The following FARP1 variants were observed in gnomAD, a reference collection of about 807,000 sequenced individuals.
The protein encoded by FARP1 is FERM, ARH/RhoGEF and pleckstrin domain protein 1, also known as FERM, ARHGEF and pleckstrin domain-containing protein 1.
In FARP1, 52 loss-of-function variants were observed where a neutral mutation model predicts 128.8. The observed-to-expected ratio is 0.40, with a 90% CI of 0.32 to 0.51. The LOEUF is 0.51. Among genes scored for constraint, FARP1 ranks in the 20% least tolerant of loss-of-function variants. The pLI is 0.45. For missense variants in FARP1, 1,333 were observed against 1,367.9 expected, an observed-to-expected ratio of 0.97 and a Z score of 0.40; for synonymous variants, 580 against 551.8, an observed-to-expected ratio of 1.05 and a Z score of -0.72.
chr13:98,446,603 C>T (rs1021448483), intron 25 of FARP1, 63 bp from the exon 26 acceptor site: 6 of 1,557,836 alleles, frequency 3.9e-6, no homozygotes, highest in Non-Finnish European at 5.3e-6. Flanking sequence ...TGCGGGGCAG[C>T]AGCCAGGCCC....
At chr13:98,237,040 C>A (rs754486649) in intron 2 of FARP1, among the ~76,000 whole-genome samples, 89 of 151,892 alleles carry the variant, frequency 5.9e-4, no homozygotes, top group Middle Eastern at 3.4e-3. Context: ...GCGTGTGGCT[C>A]ATGTCTGTAA....
intron 1 of FARP1, among the ~76,000 whole-genome samples, chr13:98,157,613 C>G (rs1358153919): frequency 6.6e-6 from 1 of 152,202 alleles, no homozygotes. Flanking sequence ...AGGCTGAGTT[C>G]TAACAGCCCA....
chr13:98,319,512 C>T lies in FARP1; in HGVS notation c.172-24250C>T, dbSNP rs373620108. Among the ~76,000 whole-genome samples the T allele has an allele frequency of 6.6e-5, 10 of 152,220 alleles. No homozygotes were observed. In the East Asian group the frequency reaches 1.9e-3, roughly 30 times the overall value. Reference sequence around the variant, plus strand: ...GCAGGCACCTGTAGTCCCAGCTACTCTGGCGGCTGAGGCAGGAGAATGGTG... The same window carrying T: ...GCAGGCACCTGTAGTCCCAGCTACTTTGGCGGCTGAGGCAGGAGAATGGTG... On this transcript the variant is annotated intron_variant, in intron 2 of 26. Coordinates refer to ENST00000319562, the MANE Select transcript of FARP1 (RefSeq NM_005766.4).
At chr13:98,328,225 C>T (rs916305581) in intron 2 of FARP1, 3 of 152,050 alleles carry the variant, frequency 2.0e-5, no homozygotes, top group Non-Finnish European at 4.4e-5. Flanking sequence ...TTGTTCAGCC[C>T]TTAGGGAAGA....
intron 17 of FARP1, chr13:98,425,615 T>C (rs1255899779): frequency 6.6e-6 from 1 of 152,164 alleles, no homozygotes; most frequent in Non-Finnish European, 1.5e-5. Flanking sequence ...GATCTCAAAC[T>C]CCTGACCTCG....
intron 12 of FARP1, 45 bp downstream of exon 12, chr13:98,393,763 C>G (rs771101761): frequency 3.5e-5 from 51 of 1,447,206 alleles, no homozygotes; most frequent in Non-Finnish European, 4.8e-5. Context: ...TTTCCCCACA[C>G]TTCCTCCACG....
At chr13:98,380,600 G>A (rs1269243150) in intron 6 of FARP1, among the ~76,000 whole-genome samples, 3 of 151,026 alleles carry the variant, frequency 2.0e-5, no homozygotes, top group Admixed American at 2.0e-4. Context: ...TTTTTTTTTA[G>A]ACAGTCTCTG....
At chr13:98,367,392 G>T (rs1346728608) in intron 4 of FARP1, among the ~76,000 whole-genome samples, 3 of 151,928 alleles carry the variant, frequency 2.0e-5, no homozygotes, top group Non-Finnish European at 4.4e-5. Context: ...CAGATGATCC[G>T]CCCACCTCAG....
intron 1 of FARP1, among the ~76,000 whole-genome samples, chr13:98,148,404 T>C (rs1277590756): frequency 6.6e-6 from 1 of 152,124 alleles, no homozygotes; most frequent in Non-Finnish European, 1.5e-5. Flanking sequence ...AATAAAAGCA[T>C]GAAGAAGAAA....
chr13:98,157,028 T>C (rs1373151273), intron 1 of FARP1, among the ~76,000 whole-genome samples: 4 of 152,344 alleles, frequency 2.6e-5, no homozygotes, highest in African/African-American at 7.2e-5. Flanking sequence ...AGAGACATTA[T>C]TGATGAGTTT....
intron 16 of FARP1, among the ~76,000 whole-genome samples, chr13:98,421,638 G>A (rs1490590083): frequency 3.3e-5 from 5 of 152,120 alleles, no homozygotes; most frequent in South Asian, 2.1e-4. Context: ...CAGATGGATC[G>A]CTTGAGTCCA....
intron 2 of FARP1, among the ~76,000 whole-genome samples, chr13:98,291,718 C>T (rs1885456030): frequency 6.6e-6 from 1 of 152,178 alleles, no homozygotes; most frequent in African/African-American, 2.4e-5. Context: ...CCCCGTCAGC[C>T]TCCCTCCCCA....
chr13:98,294,800 T>C (rs1313412855), intron 2 of FARP1, among the ~76,000 whole-genome samples: 2 of 152,102 alleles, frequency 1.3e-5, no homozygotes, highest in Non-Finnish European at 2.9e-5. Flanking sequence ...GCGGATCACC[T>C]GAGGCCAGGA....
At chr13:98,157,297 T>G (rs1017157204) in intron 1 of FARP1, among the ~76,000 whole-genome samples, 2 of 152,108 alleles carry the variant, frequency 1.3e-5, no homozygotes, top group Admixed American at 1.3e-4. Context: ...CCCAGCCTCC[T>G]GTACTTCCCT....
chr13:98,404,755 TGAA>T (rs929905187), intron 13 of FARP1: 14 of 152,288 alleles, frequency 9.2e-5, no homozygotes, highest in Non-Finnish European at 1.0e-4. Flanking sequence ...GGGGGAATAT[TGAA>T]GAAAAAGCAT....
intron 1 of FARP1, among the ~76,000 whole-genome samples, chr13:98,186,389 T>C (rs1240923119): frequency 6.6e-6 from 1 of 152,168 alleles, no homozygotes; most frequent in Admixed American, 6.5e-5. Flanking sequence ...ATTACAGATG[T>C]GAGCCACCGC....
At chr13:98,178,189 ATTTTTTT>A (rs57310501) in intron 1 of FARP1, among the ~76,000 whole-genome samples, 117 of 112,980 alleles carry the variant, frequency 1.0e-3, no homozygotes, top group African/African-American at 3.2e-3. Context: ...ATCATTTTTA[ATTTTTTT>A]TTTTTTTTTT....
chr13:98,286,781 ACTT>A (rs1273175746), intron 2 of FARP1, among the ~76,000 whole-genome samples: 3 of 152,186 alleles, frequency 2.0e-5, no homozygotes, highest in Admixed American at 1.3e-4. Context: ...TGTCCCAGGC[ACTT>A]CTTCTTGTTG....
chr13:98,396,067 A>G, intron 13 of FARP1: 1 of 399,136 alleles, frequency 2.5e-6, no homozygotes, highest in Non-Finnish European at 4.4e-6. Flanking sequence ...TAGATGTAAT[A>G]AGTCAGAGAC....
Sources: gnomAD v4.1 joint callset for allele counts (sites outside exome capture counted in the v4.1 genomes callset) on GRCh38, gnomAD v4.1.1 for gene constraint, MANE v1.5 for transcripts, NCBI Gene and HGNC (gene_info 2026-07-23, HGNC 2026-07-21) for gene names.